PMS1: variants seen among roughly 807,000 people sequenced by gnomAD.
PMS1 encodes the protein PMS1 protein homolog 1.
In PMS1, 79 loss-of-function variants were observed where a neutral mutation model predicts 93.1. The observed-to-expected ratio is 0.85, with a 90% CI of 0.71 to 1.02. The LOEUF (loss-of-function observed/expected upper bound fraction) is 1.02. Ranked by LOEUF, PMS1 falls within the 50% of genes least tolerant of loss-of-function variation. The probability of loss-of-function intolerance (pLI) is 0.00; values close to 1 mark genes in which losing one functional copy is unlikely to be tolerated. For synonymous variants in PMS1, 335 were observed against 363.4 expected (o/e 0.92, Z 0.89); for missense variants, 1,064 against 1,085.3 (o/e 0.98, Z 0.28).
chr2:189,825,755 G>T (rs1255356584), intron 5 of PMS1, among the ~76,000 whole-genome samples: 2 of 152,196 alleles, frequency 1.3e-5, no homozygotes, highest in Non-Finnish European at 2.9e-5. Flanking sequence ...AGAGAGACAT[G>T]AATTAAAGAA....
intron 3 of PMS1, among the ~76,000 whole-genome samples, chr2:189,800,405 T>C (rs1008423350): frequency 3.9e-5 from 6 of 152,138 alleles, no homozygotes; most frequent in Non-Finnish European, 5.9e-5. Flanking sequence ...GAGTTGAAAC[T>C]TATATGTGAG....
intron 6 of PMS1, among the ~76,000 whole-genome samples, chr2:189,850,146 T>A (rs966368134): frequency 3.9e-5 from 6 of 152,216 alleles, no homozygotes; most frequent in Admixed American, 2.0e-4. Context: ...ATCACTGTTA[T>A]ATATTTGCAG....
intron 9 of PMS1, among the ~76,000 whole-genome samples, chr2:189,863,216 T>C (rs1355278605): frequency 6.6e-6 from 1 of 151,442 alleles, no homozygotes; most frequent in African/African-American, 2.4e-5. Context: ...GTTTGTGTGT[T>C]TGTTTGTTGT....
intron 3 of PMS1, among the ~76,000 whole-genome samples, chr2:189,799,843 C>T (rs1170780422): frequency 1.3e-5 from 2 of 152,212 alleles, no homozygotes; most frequent in Non-Finnish European, 2.9e-5. Context: ...GTGTTATAAA[C>T]GTCCCAGTTC....
At chr2:189,855,199 A>C in intron 9 of PMS1, 71 bp downstream of exon 9, 2 of 1,338,114 alleles carry the variant, frequency 1.5e-6, no homozygotes, top group Non-Finnish European at 2.1e-6. Context: ...ACTGTTTAAA[A>C]AGAATTTTTT....
intron 3 of PMS1, among the ~76,000 whole-genome samples, chr2:189,802,995 A>C (rs1039872807): frequency 6.6e-6 from 1 of 152,214 alleles, no homozygotes; most frequent in Non-Finnish European, 1.5e-5. Flanking sequence ...CAAGTCCTGC[A>C]GTCAGAGTAC....
chr2:189,789,024 C>T (rs5742967), intron 1 of PMS1, among the ~76,000 whole-genome samples: 12,183 of 152,142 alleles, frequency 0.08, 606 homozygotes, highest in East Asian at 0.13. Context: ...AGCCTCCCAG[C>T]TGTTGAGAAC....
intron 6 of PMS1, among the ~76,000 whole-genome samples, chr2:189,848,433 A>G (rs1288733572): frequency 2.0e-5 from 3 of 152,206 alleles, no homozygotes; most frequent in Non-Finnish European, 2.9e-5. Flanking sequence ...CTATGATTTC[A>G]TGAGTGAACG....
Position 189,793,232 on chromosome 2 carries a change from C to T in PMS1, c.132+1291C>T, listed in dbSNP as rs146056125. On this transcript the variant is annotated intron_variant, in intron 2 of 12. Coordinates refer to ENST00000441310, the MANE Select transcript of PMS1 (RefSeq NM_000534.5). Reference sequence around the variant, plus strand: ...ACTCTTAAAACCCATTCTTGATCTTCTCTCTGTGCCAGTGGTTCTCATGAT... The same window carrying T: ...ACTCTTAAAACCCATTCTTGATCTTTTCTCTGTGCCAGTGGTTCTCATGAT... Among the ~76,000 whole-genome samples, 3 of 152,302 alleles carry T rather than the reference C, an allele frequency of 2.0e-5. No individual in the cohort carries two copies. The East Asian group carries it at 5.8e-4, about 29-fold the overall frequency.
chr2:189,863,370 C>A lies in PMS1; in HGVS notation c.1857-373C>A, dbSNP rs371268710. 2.0e-5 allele frequency among the ~76,000 whole-genome samples: 3 copies of A among 151,880 alleles called. No homozygotes were observed. The South Asian group carries it at 6.3e-4, about 32-fold the overall frequency. Reference sequence around the variant, plus strand: ...CTGGGTTCAAGCAATTCTCATGCCTCAGCCTTCTGAGTAGCTGGGACTACA... The same window carrying A: ...CTGGGTTCAAGCAATTCTCATGCCTAAGCCTTCTGAGTAGCTGGGACTACA... On this transcript the variant is annotated intron_variant, in intron 9 of 12. Coordinates refer to ENST00000441310, the MANE Select transcript of PMS1 (RefSeq NM_000534.5).
At chr2:189,829,316 T>C (rs1416200629) in intron 5 of PMS1, among the ~76,000 whole-genome samples, 1 of 152,166 alleles carries the variant, frequency 6.6e-6, no homozygotes, top group East Asian at 1.9e-4. Flanking sequence ...CCACACTCAC[T>C]CCATAATTTC....
At chr2:189,807,479 T>C (rs2050449642) in intron 4 of PMS1, among the ~76,000 whole-genome samples, 1 of 152,206 alleles carries the variant, frequency 6.6e-6, no homozygotes, top group Non-Finnish European at 1.5e-5. Context: ...TTAGGAGATA[T>C]TTGAGTGGCT....
chr2:189,791,428 T>A (rs562923176), intron 1 of PMS1, among the ~76,000 whole-genome samples: 29 of 152,236 alleles, frequency 1.9e-4, no homozygotes, highest in African/African-American at 7.0e-4. Flanking sequence ...GAGACCAGCC[T>A]GACCAACTTG....
chr2:189,810,445 G>A (rs1334703510), intron 4 of PMS1, among the ~76,000 whole-genome samples: 4 of 152,162 alleles, frequency 2.6e-5, no homozygotes, highest in Non-Finnish European at 5.9e-5. Context: ...TGAGTCATAG[G>A]TAGATAAAGG....
intron 5 of PMS1, among the ~76,000 whole-genome samples, chr2:189,827,320 C>T (rs1319277266): frequency 1.3e-5 from 2 of 152,312 alleles, no homozygotes; most frequent in African/African-American, 2.4e-5. Flanking sequence ...GAATCCTGTA[C>T]AAATGTAGCT....
intron 3 of PMS1, among the ~76,000 whole-genome samples, chr2:189,801,216 T>C (rs1473961425): frequency 6.6e-6 from 1 of 152,214 alleles, no homozygotes; most frequent in Non-Finnish European, 1.5e-5. Context: ...AATTATTGCT[T>C]TCATGATCTG....
At chr2:189,803,835 A>T (rs1202843315) in intron 3 of PMS1, among the ~76,000 whole-genome samples, 2 of 152,226 alleles carry the variant, frequency 1.3e-5, no homozygotes, top group Non-Finnish European at 2.9e-5. Context: ...ACGTTTTCGT[A>T]GTATTCTACA....
intron 3 of PMS1, among the ~76,000 whole-genome samples, chr2:189,803,706 T>C (rs2050091153): frequency 6.6e-6 from 1 of 152,202 alleles, no homozygotes; most frequent in South Asian, 2.1e-4. Context: ...CGAAATACAA[T>C]TCCCTTTCCT....
At position 189,873,575 on chromosome 2, in the gene PMS1, A is replaced by T. The variant is rs903567911; in HGVS notation, c.2553A>T (p.Lys851Asn). The T allele has an allele frequency of 1.9e-6, 3 of 1,601,114 alleles. No homozygotes were observed. Among genetic ancestry groups the T allele is most frequent in the Non-Finnish European group, 2.6e-6 (3 of 1,168,260 alleles). The change falls in exon 12 of 13, where the codon AAA (lysine) becomes AAT (asparagine). Residue 851 changes from lysine (K) to asparagine (N), a missense_variant. Transcript: ENST00000441310. ...CLPFYGVADL[K>N]EILNAILNRN... ...CATTCTATGGAGTAGCAGATTTAAAAGAAATTCTTAATGCTATATTAAACA... is the reference window on the plus strand; with the variant it reads ...CATTCTATGGAGTAGCAGATTTAAATGAAATTCTTAATGCTATATTAAACA...
Sources: allele counts gnomAD v4.1 joint callset (sites outside exome capture counted in the v4.1 genomes callset), GRCh38; gene constraint gnomAD v4.1.1; transcripts MANE v1.5; gene names NCBI Gene and HGNC (gene_info 2026-07-23, HGNC 2026-07-21).